PCDHGA2: variants seen among roughly 807,000 people sequenced by gnomAD.
The protein encoded by PCDHGA2 is protocadherin gamma-A2.
A neutral mutation model predicts 59.2 loss-of-function variants in PCDHGA2; 40 were observed. The observed-to-expected ratio is 0.68, with a 90% CI of 0.52 to 0.88. The LOEUF is 0.88. Among genes scored for constraint, PCDHGA2 ranks in the 40% least tolerant of loss-of-function variants. The pLI, the probability that PCDHGA2 is intolerant of heterozygous loss-of-function variation, is 0.00. For synonymous variants in PCDHGA2, 560 were observed against 526.0 expected, an observed-to-expected ratio of 1.06 and a Z score of -0.89; for missense variants, 1,226 against 1,204.0, an observed-to-expected ratio of 1.02 and a Z score of -0.27.
chr5:141,375,241 C>G (rs774856817), intron 1 of PCDHGA2: 20 of 1,613,942 alleles, frequency 1.2e-5, no homozygotes, highest in Non-Finnish European at 1.7e-5. Context: ...CCTGTTCCAT[C>G]CCGAGAAGTC....
At chr5:141,427,557 A>G (rs1437024906) in intron 1 of PCDHGA2, 1 of 650,060 alleles carries the variant, frequency 1.5e-6, no homozygotes, top group Non-Finnish European at 2.8e-6. Flanking sequence ...TGCCACTGAC[A>G]AGGGCAAGCC....
In PCDHGA2 at chr5:141,417,986, A is replaced by G. The variant is rs777967345; in HGVS notation, c.2424+76591A>G. On this transcript the variant is annotated intron_variant, in intron 1 of 3. Coordinates refer to ENST00000394576, the MANE Select transcript of PCDHGA2 (RefSeq NM_018915.4). ...CTACTCGATTCCGGAGGAGCTGGCC[A>G]AGGGCTCGGTGGTGGGGAACCTCGC... The G allele has an allele frequency of 9.9e-6, 16 of 1,613,490 alleles. No individual in the cohort carries two copies. Among genetic ancestry groups the G allele is most frequent in the Non-Finnish European group, 1.4e-5 (16 of 1,179,718 alleles).
At chr5:141,360,658 A>C in intron 1 of PCDHGA2, 1 of 1,613,590 alleles carries the variant, frequency 6.2e-7, no homozygotes, top group Non-Finnish European at 8.5e-7. Context: ...CCTTAATGAC[A>C]ACGAGTACTT....
At chr5:141,352,674 G>C (rs1759076156) in intron 1 of PCDHGA2, 1 of 1,575,506 alleles carries the variant, frequency 6.3e-7, no homozygotes, top group Non-Finnish European at 8.6e-7. Flanking sequence ...TCGCACGTGA[G>C]TTTCTGCAAA....
chr5:141,397,919 C>G (rs1158998805), intron 1 of PCDHGA2: 2 of 723,460 alleles, frequency 2.8e-6, no homozygotes, highest in East Asian at 5.5e-5. Flanking sequence ...TCCAGATCTC[C>G]TCGCGCAGCC....
At chr5:141,410,363 C>T (rs1341289640) in intron 1 of PCDHGA2, 6 of 1,614,068 alleles carry the variant, frequency 3.7e-6, no homozygotes, top group Non-Finnish European at 3.4e-6. Flanking sequence ...CTCTCTCAGC[C>T]CTGCTACTTG....
intron 1 of PCDHGA2, chr5:141,375,207 AC>A (rs775034160): frequency 9.3e-6 from 15 of 1,613,778 alleles, no homozygotes; most frequent in Non-Finnish European, 1.2e-5. Context: ...TTCGATCGAG[AC>A]TCTGGCCTGA....
In PCDHGA2 at chr5:141,422,509, C is replaced by G. The variant is rs1249006816; in HGVS notation, c.2425-72298C>G. On this transcript the variant is annotated intron_variant, in intron 1 of 3. Coordinates refer to ENST00000394576, the MANE Select transcript of PCDHGA2 (RefSeq NM_018915.4). ...CAATATAACGTTGACAGCCACAGAC[C>G]AGGGAAGCCCGCCTTTGTCTGCAGA... The G allele has an allele frequency of 1.9e-6, 3 of 1,613,836 alleles. No homozygotes were observed. In the South Asian group the frequency reaches 3.3e-5, roughly 18 times the overall value.
chr5:141,424,232 C>A (rs182055138), intron 1 of PCDHGA2: 1 of 158,642 alleles, frequency 6.3e-6, no homozygotes, highest in East Asian at 1.9e-4. Context: ...TATTTTGATT[C>A]TTGGTGGCTG....
At chr5:141,399,062 C>T in intron 1 of PCDHGA2, 1 of 1,613,790 alleles carries the variant, frequency 6.2e-7, no homozygotes, top group Non-Finnish European at 8.5e-7. Context: ...AAGGAATATT[C>T]AATGGTTGTA....
chr5:141,490,906 G>A lies in PCDHGA2; in HGVS notation c.2425-3901G>A, dbSNP rs2099705910. 1 of 1,613,798 alleles carries A rather than the reference G, an allele frequency of 6.2e-7. No individual in the cohort carries two copies. Among genetic ancestry groups the A allele is most frequent in the Non-Finnish European group, 8.5e-7 (1 of 1,179,808 alleles). ...CACATCTCTGCATGTGTTTGTCCTA[G>A]ACGAGAATGATAATGCCCCAGCTGT... On this transcript the variant is annotated intron_variant, in intron 1 of 3. Coordinates refer to ENST00000394576, the MANE Select transcript of PCDHGA2 (RefSeq NM_018915.4). The surrounding 1 kb of genome is among the most constrained non-coding windows in gnomAD (Gnocchi z 5.4).
At chr5:141,394,968 T>C in intron 1 of PCDHGA2, 1 of 1,613,938 alleles carries the variant, frequency 6.2e-7, no homozygotes, top group Non-Finnish European at 8.5e-7. Context: ...GCTGAGGCGC[T>C]GGCACAAGTC....
intron 1 of PCDHGA2, chr5:141,344,756 G>A (rs1188842802): frequency 1.9e-6 from 3 of 1,613,948 alleles, no homozygotes; most frequent in Non-Finnish European, 2.5e-6. Context: ...ACCCACCAAT[G>A]TTTACTCAGC....
intron 3 of PCDHGA2, 89 bp downstream of exon 3, chr5:141,505,570 C>G: frequency 6.3e-7 from 1 of 1,598,162 alleles, no homozygotes; most frequent in Admixed American, 1.7e-5. Context: ...GACTGGATGT[C>G]AAACCTGTGT....
intron 1 of PCDHGA2, chr5:141,423,616 G>A: frequency 6.2e-7 from 1 of 1,609,594 alleles, no homozygotes; most frequent in Admixed American, 1.7e-5. Context: ...GATAGCTGAA[G>A]ACTCAGCTAT....
chr5:141,474,772 G>A (rs1053853138), intron 1 of PCDHGA2, among the ~76,000 whole-genome samples: 2 of 152,182 alleles, frequency 1.3e-5, no homozygotes, highest in Non-Finnish European at 2.9e-5. Flanking sequence ...AATAGTATGA[G>A]GCTCTAACAC....
intron 1 of PCDHGA2, chr5:141,415,791 C>CTTT: frequency 1.5e-6 from 2 of 1,341,938 alleles, no homozygotes; most frequent in Non-Finnish European, 1.9e-6. Flanking sequence ...GTAAAATTCA[C>CTTT]CTAGTCTCAA....
At chr5:141,389,528 G>T (rs200792478) in intron 1 of PCDHGA2, 2 of 1,613,210 alleles carry the variant, frequency 1.2e-6, no homozygotes, top group Non-Finnish European at 1.7e-6. Flanking sequence ...GCCTGCGCGT[G>T]TTAGTGGACG....
chr5:141,451,978 T>A (rs1329730658), intron 1 of PCDHGA2, among the ~76,000 whole-genome samples: 1 of 152,188 alleles, frequency 6.6e-6, no homozygotes, highest in Non-Finnish European at 1.5e-5. Flanking sequence ...TTTGCTGTAG[T>A]TTGTTCATTA....
Sources: gnomAD v4.1 joint callset for allele counts (sites outside exome capture counted in the v4.1 genomes callset) on GRCh38, gnomAD v4.1.1 for gene constraint, Gnocchi (gnomAD v3.1) non-coding constraint, MANE v1.5 for transcripts, NCBI Gene and HGNC (gene_info 2026-07-23, HGNC 2026-07-21) for gene names.